Variants in CMIP observed in about 807,000 individuals in gnomAD.
CMIP encodes c-Maf inducing protein.
Under a neutral mutation model 97.3 loss-of-function variants are expected in CMIP, and 13 were observed. The observed-to-expected ratio is 0.13, with a 90% CI of 0.09 to 0.21. The LOEUF (loss-of-function observed/expected upper bound fraction) is 0.21, where lower values mean the gene tolerates loss of function less well. Among genes scored for constraint, CMIP ranks in the 10% least tolerant of loss-of-function variants. The pLI is 1.00. For missense variants in CMIP, 847 were observed against 1,024.9 expected (o/e 0.83, Z 2.37); for synonymous variants, 538 against 436.3 (o/e 1.23, Z -2.91).
chr16:81,580,553 C>G (rs73598408), intron 1 of CMIP, among the ~76,000 whole-genome samples: 2 of 151,548 alleles, frequency 1.3e-5, no homozygotes, highest in African/African-American at 4.9e-5. Flanking sequence ...TGTGCCTCAG[C>G]CTCCCAAGTA....
At chr16:81,511,806 C>G (rs2089815824) in intron 1 of CMIP, among the ~76,000 whole-genome samples, 1 of 152,160 alleles carries the variant, frequency 6.6e-6, no homozygotes, top group Non-Finnish European at 1.5e-5. Context: ...AAGTGATCTG[C>G]CCACCTCTAC....
chr16:81,598,500 C>G lies in CMIP; in HGVS notation c.301-9067C>G, dbSNP rs553907819. ...CTGTAGGGCAGTGCCAGTATCAACTCATTTAGGCTACAAAGAACTTTAGAG... is the reference window on the plus strand; with the variant it reads ...CTGTAGGGCAGTGCCAGTATCAACTGATTTAGGCTACAAAGAACTTTAGAG... On this transcript the variant is annotated intron_variant, in intron 1 of 20. Coordinates refer to ENST00000537098, the MANE Select transcript of CMIP (RefSeq NM_198390.3). Among the ~76,000 whole-genome samples the G allele has an allele frequency of 6.7e-4, 102 of 152,314 alleles. 2 individuals carry two copies. The South Asian group carries it at 0.021, about 31-fold the overall frequency.
At chr16:81,644,485 T>G (rs1030376079) in intron 3 of CMIP, among the ~76,000 whole-genome samples, 1 of 152,190 alleles carries the variant, frequency 6.6e-6, no homozygotes, top group East Asian at 1.9e-4. Flanking sequence ...AAAGGGCAGT[T>G]TGGGGGTAAC....
At chr16:81,704,110 TC>T in intron 18 of CMIP, 25 bp downstream of exon 18, 2 of 1,580,054 alleles carry the variant, frequency 1.3e-6, no homozygotes, top group Non-Finnish European at 8.6e-7. Context: ...CCTGCTGCAG[TC>T]CCCCACACCC....
At chr16:81,498,649 C>T (rs764033896) in intron 1 of CMIP, among the ~76,000 whole-genome samples, 60 of 152,332 alleles carry the variant, frequency 3.9e-4, no homozygotes, top group African/African-American at 1.3e-3. Flanking sequence ...GCATACCCCA[C>T]GAGCACACAC....
At chr16:81,651,662 C>G (rs2092430183) in intron 3 of CMIP, among the ~76,000 whole-genome samples, 1 of 152,212 alleles carries the variant, frequency 6.6e-6, no homozygotes, top group South Asian at 2.1e-4. Context: ...CATTCCCACT[C>G]TTACTGCGCT....
At chr16:81,628,655 T>C (rs1260162147) in intron 3 of CMIP, among the ~76,000 whole-genome samples, 1 of 152,160 alleles carries the variant, frequency 6.6e-6, no homozygotes, top group Non-Finnish European at 1.5e-5. Flanking sequence ...GGCTCCCAAC[T>C]GTACATGCAT....
chr16:81,509,155 TCACC>T (rs1395445878), intron 1 of CMIP, among the ~76,000 whole-genome samples: 1 of 152,222 alleles, frequency 6.6e-6, no homozygotes, highest in East Asian at 1.9e-4. Flanking sequence ...TCTGCAGGTG[TCACC>T]AACACCGTGT....
At chr16:81,571,070 G>A (rs1043210946) in intron 1 of CMIP, among the ~76,000 whole-genome samples, 1 of 152,186 alleles carries the variant, frequency 6.6e-6, no homozygotes, top group Admixed American at 6.5e-5. Flanking sequence ...AATGTCAGAT[G>A]TAAATAGTCG....
intron 1 of CMIP, among the ~76,000 whole-genome samples, chr16:81,459,351 T>TGCTGTGACCCTGC (rs1385914059): frequency 6.6e-6 from 1 of 152,122 alleles, no homozygotes; most frequent in Non-Finnish European, 1.5e-5. Context: ...CGTGGCCCTG[T>TGCTGTGACCCTGC]GCTGTGACCC....
chr16:81,648,385 C>T (rs1295087885), intron 3 of CMIP, among the ~76,000 whole-genome samples: 1 of 152,024 alleles, frequency 6.6e-6, no homozygotes, highest in Non-Finnish European at 1.5e-5. Context: ...CTCAGCATCG[C>T]GTGAGGGCTG....
chr16:81,611,008 T>C (rs2091822744), intron 2 of CMIP, among the ~76,000 whole-genome samples: 1 of 152,172 alleles, frequency 6.6e-6, no homozygotes, highest in Non-Finnish European at 1.5e-5. Context: ...CGGCATTACC[T>C]TAGTGCTCCT....
At chr16:81,584,803 G>A (rs974138240) in intron 1 of CMIP, among the ~76,000 whole-genome samples, 1 of 152,152 alleles carries the variant, frequency 6.6e-6, no homozygotes, top group Non-Finnish European at 1.5e-5. Flanking sequence ...TTCTCCCTCT[G>A]TCCAGTAAAG....
At chr16:81,471,448 A>G (rs780088533) in intron 1 of CMIP, among the ~76,000 whole-genome samples, 5 of 152,240 alleles carry the variant, frequency 3.3e-5, no homozygotes, top group Non-Finnish European at 5.9e-5. Context: ...TTGTACATGC[A>G]TATGTACACA....
chr16:81,693,360 A>G lies in CMIP; in HGVS notation c.1482-79A>G. On this transcript the variant is annotated intron_variant, in intron 12 of 20. Coordinates refer to ENST00000537098, the MANE Select transcript of CMIP (RefSeq NM_198390.3). ...CAGCTCCCTGGCCCGTTCTTCCTTG[A>G]CACCATCCCCTCCCCTTCCCACACC... 1.9e-6 allele frequency: 3 copies of G among 1,557,636 alleles called. No individual in the cohort carries two copies. The South Asian group carries it at 3.5e-5, about 18-fold the overall frequency.
At chr16:81,518,995 T>G (rs2150802606) in intron 1 of CMIP, 1 of 152,334 alleles carries the variant, frequency 6.6e-6, no homozygotes, top group African/African-American at 2.4e-5. Flanking sequence ...GCGCCACGCC[T>G]GGCTAATTTT....
intron 7 of CMIP, among the ~76,000 whole-genome samples, chr16:81,669,840 G>A (rs1487765509): frequency 6.6e-6 from 1 of 152,174 alleles, no homozygotes; most frequent in African/African-American, 2.4e-5. Context: ...CAGCCTTTCT[G>A]GCTCTCTTTT....
At chr16:81,591,724 C>T (rs1320989792) in intron 1 of CMIP, among the ~76,000 whole-genome samples, 1 of 151,942 alleles carries the variant, frequency 6.6e-6, no homozygotes, top group Non-Finnish European at 1.5e-5. Context: ...CCATCTTGGC[C>T]TGGCTGGCAG....
intron 3 of CMIP, among the ~76,000 whole-genome samples, chr16:81,623,457 A>G (rs765996839): frequency 3.3e-5 from 5 of 152,346 alleles, no homozygotes; most frequent in South Asian, 2.1e-4. Flanking sequence ...CAGGTGATCA[A>G]TGGTAGTCTT....
Sources: allele counts gnomAD v4.1 joint callset (sites outside exome capture counted in the v4.1 genomes callset), GRCh38; gene constraint gnomAD v4.1.1; transcripts MANE v1.5; gene names NCBI Gene and HGNC (gene_info 2026-07-23, HGNC 2026-07-21).